The following ZNF33A variants were observed in gnomAD, a reference collection of about 807,000 sequenced individuals.
The protein encoded by ZNF33A is brain my041 protein.
ZNF33A carries 9 observed loss-of-function variants against 15.9 expected under a neutral mutation model. That is an observed-to-expected ratio of 0.57 (90% CI 0.34 to 0.99). The LOEUF is 0.99. Ranked by LOEUF, ZNF33A falls within the 50% of genes least tolerant of loss-of-function variation. ZNF33A has a pLI of 0.02. For missense variants in ZNF33A, 843 were observed against 941.6 expected (o/e 0.90, Z 1.37); for synonymous variants, 294 against 324.2 (o/e 0.91, Z 1.00).
chr10:38,028,191 C>T (rs2065060769), intron 4 of ZNF33A, among the ~76,000 whole-genome samples: 1 of 151,906 alleles, frequency 6.6e-6, no homozygotes, highest in African/African-American at 2.4e-5. Flanking sequence ...TCCCTTGAGC[C>T]CAGGAAGTCA....
rs2066553317 is a variant in ZNF33A, at chr10:38,057,971, T to A, written c.*1411T>A. On this transcript the variant is annotated 3_prime_UTR_variant, in exon 5 of 5. Coordinates refer to ENST00000432900, the MANE Select transcript of ZNF33A (RefSeq NM_006954.2). ...TGGAGCAGAACCAGAATCAAGCTGG[T>A]GTGGGGCTTTTATTGATAGTGTGAA... is the stretch of plus-strand genomic sequence containing the variant. 1 of 985,260 alleles carries A rather than the reference T, an allele frequency of 1.0e-6. No homozygotes were observed. The allele number at this position is 985,260 out of a possible 1,614,324, so 61.0% of individuals were successfully genotyped here.
At chr10:38,035,111 CT>C (rs71007683) in intron 4 of ZNF33A, among the ~76,000 whole-genome samples, 14,562 of 85,644 alleles carry the variant, frequency 0.17, 871 homozygotes, top group Middle Eastern at 0.33. Context: ...CATTTACTTT[CT>C]TTTTTTTTTT....
chr10:38,039,864 T>C (rs935108678), intron 4 of ZNF33A, among the ~76,000 whole-genome samples: 1 of 151,794 alleles, frequency 6.6e-6, no homozygotes, highest in African/African-American at 2.4e-5. Context: ...GTTCTCTAGT[T>C]CATTAATTTT....
rs576890909 is a variant in ZNF33A at position 38,058,646 on chromosome 10, G to A, written c.*2086G>A. 6.6e-6 allele frequency: 1 copy of A among 152,270 alleles called. No homozygotes were observed. The highest frequency in any genetic ancestry group is 6.5e-5 in the Admixed American group (1 of 15,288). The allele number at this position is 152,270 out of a possible 1,614,324, so 9.4% of individuals were successfully genotyped here. A position where few individuals can be genotyped will look rare whatever the true frequency, so the allele number is the denominator to read the frequency against. On this transcript the variant is annotated 3_prime_UTR_variant, in exon 5 of 5. Transcript: ENST00000432900. ...ATTAGCTGGGCATGGTGGCATGCGT[G>A]TGTAGTCGAAGCTACTCAGGAGGCT...
chr10:38,014,711 C>G (rs1000959757), intron 2 of ZNF33A, among the ~76,000 whole-genome samples: 1 of 152,196 alleles, frequency 6.6e-6, no homozygotes. Context: ...CAGTACCACA[C>G]TTGGTGAAAC....
At chr10:38,038,258 C>G (rs1401219752) in intron 4 of ZNF33A, among the ~76,000 whole-genome samples, 2 of 152,046 alleles carry the variant, frequency 1.3e-5, no homozygotes, top group Non-Finnish European at 2.9e-5. Flanking sequence ...TGCCACCAAG[C>G]CTGGATAACT....
At chr10:38,046,073 A>G (rs767262515) in intron 4 of ZNF33A, among the ~76,000 whole-genome samples, 1 of 152,156 alleles carries the variant, frequency 6.6e-6, no homozygotes, top group Non-Finnish European at 1.5e-5. Flanking sequence ...TCAGACTGCC[A>G]TGACTGGGCT....
downstream of ZNF33A, chr10:38,064,040 C>T (rs754942405): frequency 2.1e-5 from 33 of 1,572,758 alleles, no homozygotes; most frequent in Middle Eastern, 2.1e-4. Flanking sequence ...ATCAACCCTA[C>T]GACAGACATT....
intron 4 of ZNF33A, among the ~76,000 whole-genome samples, chr10:38,028,643 T>C (rs1309592535): frequency 6.6e-6 from 1 of 152,116 alleles, no homozygotes; most frequent in African/African-American, 2.4e-5. Context: ...AATTTTTGTG[T>C]CTTTAGTAGA....
At position 38,017,300 on chromosome 10, in the gene ZNF33A, T is replaced by G; in HGVS notation, c.164T>G (p.Val55Gly). 1 of 1,613,890 alleles carries G rather than the reference T, an allele frequency of 6.2e-7. No individual in the cohort carries two copies. Among genetic ancestry groups the G allele is most frequent in the Non-Finnish European group, 8.5e-7 (1 of 1,179,854 alleles). The change falls in exon 4 of 5, where the codon GTT becomes GGT. Residue 55 changes from valine to glycine, a missense_variant. By Grantham distance (109) the Val-to-Gly change is moderately radical. Coordinates refer to ENST00000432900, the MANE Select transcript of ZNF33A (RefSeq NM_006954.2). ...TATTTCCTGTTAACAGGGTATTGTG[T>G]TCACAAACCAGAGGTGATCTTCAGG... ...YSNLVSVGYC[V>G]HKPEVIFRLQ...
At chr10:38,061,409 G>C (rs1014316438), downstream of ZNF33A, among the ~76,000 whole-genome samples, 7 of 152,160 alleles carry the variant, frequency 4.6e-5, no homozygotes, top group African/African-American at 1.4e-4. Context: ...GTTCTCCCCA[G>C]ATTACCAGAG....
At chr10:38,038,607 A>G (rs995666316) in intron 4 of ZNF33A, among the ~76,000 whole-genome samples, 5 of 152,168 alleles carry the variant, frequency 3.3e-5, no homozygotes, top group Non-Finnish European at 7.4e-5. Context: ...TTTCTTGACT[A>G]GAATCTCCTG....
Position 38,057,612 on chromosome 10 carries a change from G to A in ZNF33A, c.*1052G>A. 1 of 983,944 alleles carries A rather than the reference G, an allele frequency of 1.0e-6. No homozygotes were observed. The highest frequency in any genetic ancestry group is 1.2e-6 in the Non-Finnish European group (1 of 828,646). 61.0% of individuals were successfully genotyped at this position (983,944 alleles called of 1,614,324 possible). A position where few individuals can be genotyped will look rare whatever the true frequency, so the allele number is the denominator to read the frequency against. ...GAGCTAATGTTTATCCATTTAAAAGGTATAAATCAAAATAACAAATTATCT... is the reference window on the plus strand; with the variant it reads ...GAGCTAATGTTTATCCATTTAAAAGATATAAATCAAAATAACAAATTATCT... On this transcript the variant is annotated 3_prime_UTR_variant, in exon 5 of 5. Transcript: ENST00000432900.
chr10:38,052,448 G>A (rs2066250818), intron 4 of ZNF33A, among the ~76,000 whole-genome samples: 1 of 152,224 alleles, frequency 6.6e-6, no homozygotes, highest in Admixed American at 6.5e-5. Context: ...CCACTGCAGA[G>A]AGAAATTGAA....
chr10:38,032,325 A>T (rs2135636772), intron 4 of ZNF33A, among the ~76,000 whole-genome samples: 1 of 152,340 alleles, frequency 6.6e-6, no homozygotes, highest in Middle Eastern at 3.4e-3. Context: ...GGTATATAAG[A>T]AACAATTTTC....
chr10:38,049,544 G>C (rs570049708), intron 4 of ZNF33A, among the ~76,000 whole-genome samples: 1 of 152,176 alleles, frequency 6.6e-6, no homozygotes. Flanking sequence ...TATGTGTAAT[G>C]TATATTGTGT....
chr10:38,013,705 C>T (rs1029440067), intron 2 of ZNF33A, among the ~76,000 whole-genome samples: 8 of 152,128 alleles, frequency 5.3e-5, no homozygotes, highest in Admixed American at 5.2e-4. Context: ...GATCCCCCAC[C>T]TTGGCCTCCC....
In ZNF33A at chr10:38,012,303, T is replaced by G. The variant is rs745912011; in HGVS notation, c.-39T>G. The G allele has an allele frequency of 1.1e-5, 18 of 1,610,586 alleles. No homozygotes were observed. The African/African-American group carries it at 2.0e-4, about 18-fold the overall frequency. ...TTCCTCTTTTTCTAACTCAGCTGTA[T>G]CTTCAGAGTTGTCTCCGTCTTTCCA... On this transcript the variant is annotated 5_prime_UTR_variant, in exon 2 of 5. An upstream open reading frame in the 5' UTR gains an earlier in-frame stop. Coordinates refer to ENST00000432900, the MANE Select transcript of ZNF33A (RefSeq NM_006954.2).
At chr10:38,043,351 G>A (rs1714482092) in intron 4 of ZNF33A, among the ~76,000 whole-genome samples, 1 of 139,038 alleles carries the variant, frequency 7.2e-6, no homozygotes, top group Non-Finnish European at 1.5e-5. Context: ...CTGTTGTGGG[G>A]TAGGGGGAGG....
Sources: gnomAD v4.1 joint callset for allele counts (sites outside exome capture counted in the v4.1 genomes callset) on GRCh38, gnomAD v4.1.1 for gene constraint, MANE v1.5 for transcripts, NCBI Gene and HGNC (gene_info 2026-07-23, HGNC 2026-07-21) for gene names.